Variants in ZNF451 observed in about 807,000 individuals in gnomAD.
The protein encoded by ZNF451 is E3 SUMO-protein ligase ZNF451.
Under a neutral mutation model 107.1 loss-of-function variants are expected in ZNF451, and 80 were observed. The ratio of observed to expected loss-of-function variants is 0.75; its 90% CI spans 0.62 to 0.90. The LOEUF is 0.90. Ranked by LOEUF, ZNF451 falls within the 40% of genes least tolerant of loss-of-function variation. ZNF451 has a pLI of 0.00. For synonymous variants in ZNF451, 362 were observed against 406.5 expected, an observed-to-expected ratio of 0.89 and a Z score of 1.32; for missense variants, 1,107 against 1,236.2, an observed-to-expected ratio of 0.90 and a Z score of 1.57.
intron 1 of ZNF451, 54 bp downstream of exon 1, chr6:57,090,328 T>G: frequency 6.2e-7 from 1 of 1,600,676 alleles, no homozygotes; most frequent in Non-Finnish European, 8.5e-7. Context: ...GCGAAGGGTT[T>G]GTGTTTTCTG....
chr6:57,144,531 G>A (rs747083442), intron 9 of ZNF451, among the ~76,000 whole-genome samples: 9 of 151,974 alleles, frequency 5.9e-5, no homozygotes, highest in Non-Finnish European at 7.4e-5. Flanking sequence ...ATGTGCCACC[G>A]CGCCTAGCCG....
chr6:57,103,231 C>A, intron 3 of ZNF451: 1 of 985,392 alleles, frequency 1.0e-6, no homozygotes, highest in Non-Finnish European at 1.2e-6. Context: ...TATTGAGAAT[C>A]CTTAAGATTT....
intron 9 of ZNF451, 67 bp from the exon 10 acceptor site, chr6:57,147,023 A>G: frequency 7.2e-7 from 1 of 1,388,216 alleles, no homozygotes; most frequent in Non-Finnish European, 9.7e-7. Flanking sequence ...TCCTGCAATA[A>G]AATGCAGCAA....
At chr6:57,102,819 A>G (rs1198271141) in intron 3 of ZNF451, 1 of 985,358 alleles carries the variant, frequency 1.0e-6, no homozygotes, top group Non-Finnish European at 1.2e-6. Context: ...GAAATTGCAC[A>G]GTAACTATCT....
chr6:57,095,941 G>A (rs373722214), intron 2 of ZNF451, among the ~76,000 whole-genome samples: 1 of 150,696 alleles, frequency 6.6e-6, no homozygotes, highest in African/African-American at 2.4e-5. Context: ...CTTGTTCTTC[G>A]GCCTCCTGAG....
chr6:57,138,737 ATATATGTGTGTGTGTGTGTG>A (rs1485483382), intron 7 of ZNF451, among the ~76,000 whole-genome samples: 6 of 91,280 alleles, frequency 6.6e-5, no homozygotes, highest in African/African-American at 9.9e-5. Context: ...ATATATATAT[ATATATGTGTGTGTGTGTGTG>A]TGTGTGTGTG....
In ZNF451 at chr6:57,147,721, A is replaced by T; in HGVS notation, c.1636A>T (p.Ile546Phe). Residue 546 changes from isoleucine to phenylalanine, a missense_variant, in exon 10 of 15, where the codon ATC (isoleucine) becomes TTC (phenylalanine). Transcript: ENST00000370706. ...CKKELTRKDT[I>F]MAHVTEFHNG... The stretch of plus-strand genomic sequence containing the variant: ...AAAGGAGTTAACAAGGAAAGATACT[A>T]TCATGGCACATGTGACTGAATTTCA... 1 of 1,613,990 alleles carries T rather than the reference A, an allele frequency of 6.2e-7. No homozygotes were observed. Among genetic ancestry groups the T allele is most frequent in the Non-Finnish European group, 8.5e-7 (1 of 1,179,976 alleles).
chr6:57,099,567 T>C, intron 3 of ZNF451: 1 of 714,380 alleles, frequency 1.4e-6, no homozygotes, highest in Non-Finnish European at 2.6e-6. Flanking sequence ...CTTTTAGGAA[T>C]GGAAAGTGGG....
chr6:57,154,243 A>G, intron 13 of ZNF451, 196 bp downstream of exon 13: 1 of 618,776 alleles, frequency 1.6e-6, no homozygotes, highest in East Asian at 2.7e-5. Context: ...GGATGAATTC[A>G]TAATAATTTT....
chr6:57,092,385 A>G (rs889550868), intron 2 of ZNF451, among the ~76,000 whole-genome samples: 2 of 152,172 alleles, frequency 1.3e-5, no homozygotes, highest in South Asian at 2.1e-4. Context: ...AGAGTAAAGA[A>G]TGTACAATCA....
chr6:57,129,838 G>C (rs1199550951), intron 5 of ZNF451, among the ~76,000 whole-genome samples: 6 of 151,996 alleles, frequency 3.9e-5, no homozygotes, highest in African/African-American at 1.2e-4. Flanking sequence ...TTGCCTGTGG[G>C]GTTTATACGT....
rs369246650 is a variant in ZNF451 at position 57,159,525 on chromosome 6, GTTTTTTTTTTT to G, written c.3071-1550_3071-1540del. Reference sequence around the variant, plus strand: ...TAAACTTTCTTAAAACATTATAAGAGTTTTTTTTTTTTTTTTTTTGCGTTTTCTTATTTTGC... The same window carrying G: ...TAAACTTTCTTAAAACATTATAAGAGTTTTTTTTGCGTTTTCTTATTTTGC... On this transcript the variant is annotated intron_variant, in intron 13 of 14. Coordinates refer to ENST00000370706, the MANE Select transcript of ZNF451 (RefSeq NM_001031623.3). The G allele has an allele frequency of 5.8e-4, 78 of 135,528 alleles. 1 individual carries two copies. The highest frequency in any genetic ancestry group is 1.0e-3 in the Non-Finnish European group (74 of 72,574). 8.4% of individuals were successfully genotyped at this position (135,528 alleles called of 1,614,324 possible).
At chr6:57,100,521 T>C in intron 3 of ZNF451, 1 of 1,396,140 alleles carries the variant, frequency 7.2e-7, no homozygotes, top group Non-Finnish European at 9.4e-7. Flanking sequence ...TTACTGGACA[T>C]GAATCTCTGC....
At chr6:57,097,042 T>C (rs1829363275) in intron 2 of ZNF451, among the ~76,000 whole-genome samples, 9 of 152,170 alleles carry the variant, frequency 5.9e-5, no homozygotes, top group Admixed American at 5.9e-4. Flanking sequence ...GGTGCTGGAA[T>C]TACAGGTGTG....
chr6:57,136,754 G>A (rs1239238235), intron 7 of ZNF451, among the ~76,000 whole-genome samples: 1 of 152,074 alleles, frequency 6.6e-6, no homozygotes, highest in Non-Finnish European at 1.5e-5. Flanking sequence ...TAGTAAATTT[G>A]AGTAGGTAGT....
chr6:57,138,793 T>TTC (rs1554300716), intron 7 of ZNF451, among the ~76,000 whole-genome samples: 1 of 28,298 alleles, frequency 3.5e-5, no homozygotes, highest in Non-Finnish European at 1.4e-4. Context: ...ATATATAAAA[T>TTC]TTTTTTTTTT....
chr6:57,118,500 C>G (rs922822283), intron 3 of ZNF451, among the ~76,000 whole-genome samples: 14 of 152,084 alleles, frequency 9.2e-5, no homozygotes, highest in African/African-American at 3.4e-4. Flanking sequence ...TGACCTTTCT[C>G]CCCCTTTTTT....
chr6:57,139,081 A>G (rs1831622410), intron 7 of ZNF451, among the ~76,000 whole-genome samples: 1 of 152,108 alleles, frequency 6.6e-6, no homozygotes, highest in Non-Finnish European at 1.5e-5. Context: ...ATATGTATAA[A>G]TTGGTGGTTA....
At chr6:57,144,570 A>G (rs1831965782) in intron 9 of ZNF451, among the ~76,000 whole-genome samples, 1 of 152,108 alleles carries the variant, frequency 6.6e-6, no homozygotes, top group Admixed American at 6.6e-5. Context: ...AGCTGTTTAA[A>G]AATGTTTTGG....
Sources: gnomAD v4.1 joint callset for allele counts (sites outside exome capture counted in the v4.1 genomes callset) on GRCh38, gnomAD v4.1.1 for gene constraint, MANE v1.5 for transcripts, NCBI Gene and HGNC (gene_info 2026-07-23, HGNC 2026-07-21) for gene names.